The following RALY variants were observed in gnomAD, a reference collection of about 807,000 sequenced individuals.
RALY encodes RALY heterogeneous nuclear ribonucleoprotein.
A neutral mutation model predicts 30.7 loss-of-function variants in RALY; 15 were observed. That is an observed-to-expected ratio of 0.49 (90% confidence interval 0.33 to 0.75). RALY has a LOEUF of 0.75. Among genes scored for constraint, RALY ranks in the 30% least tolerant of loss-of-function variants. RALY has a pLI of 0.02. For synonymous variants in RALY, 177 were observed against 170.8 expected (o/e 1.04, Z -0.28); for missense variants, 339 against 414.3 (o/e 0.82, Z 1.58).
chr20:34,050,207 C>G (rs2033029672), intron 2 of RALY, among the ~76,000 whole-genome samples: 2 of 152,164 alleles, frequency 1.3e-5, no homozygotes, highest in Admixed American at 1.3e-4. Flanking sequence ...ATGTCAGAAC[C>G]AGGATTGAAT....
intron 1 of RALY, among the ~76,000 whole-genome samples, chr20:33,995,465 T>C (rs967462107): frequency 2.0e-5 from 3 of 152,194 alleles, no homozygotes; most frequent in Non-Finnish European, 2.9e-5. Context: ...ATTACTCCTA[T>C]TTTCAGATAA....
intron 2 of RALY, among the ~76,000 whole-genome samples, chr20:34,044,208 T>C (rs2032796661): frequency 3.3e-5 from 5 of 152,172 alleles, no homozygotes; most frequent in Admixed American, 3.3e-4. Context: ...GACATAATAT[T>C]GGAGGCTATT....
intron 1 of RALY, among the ~76,000 whole-genome samples, chr20:33,994,555 C>T (rs1049743268): frequency 6.6e-6 from 1 of 152,244 alleles, no homozygotes; most frequent in Non-Finnish European, 1.5e-5. Context: ...GCTTCCGGCT[C>T]TCCTAACCCG....
At chr20:34,021,162 A>G (rs2031804927) in intron 1 of RALY, among the ~76,000 whole-genome samples, 1 of 152,010 alleles carries the variant, frequency 6.6e-6, no homozygotes, top group African/African-American at 2.4e-5. Context: ...GGGTTTTGCC[A>G]TGTTGGCCAG....
intron 2 of RALY, among the ~76,000 whole-genome samples, chr20:34,063,249 G>A (rs1328406590): frequency 2.0e-5 from 3 of 152,202 alleles, no homozygotes; most frequent in African/African-American, 7.2e-5. Context: ...ATGATCACAT[G>A]TTTGGGCCTG....
chr20:34,082,357 T>A lies in RALY; in HGVS notation c.*2452T>A, dbSNP rs933832287. ...ATTTAGAGCTGAATGAACCTCACACTGAGGGCACAATAGCACTAGGCACTG... is the reference window on the plus strand; with the variant it reads ...ATTTAGAGCTGAATGAACCTCACACAGAGGGCACAATAGCACTAGGCACTG... On this transcript the variant is annotated 3_prime_UTR_variant, in exon 10 of 10. Transcript: ENST00000246194. 6.6e-6 allele frequency: 1 copy of A among 152,184 alleles called. No individual in the cohort carries two copies. The highest frequency in any genetic ancestry group is 1.5e-5 in the Non-Finnish European group (1 of 68,042). 9.4% of individuals were successfully genotyped at this position (152,184 alleles called of 1,614,324 possible).
chr20:34,053,383 ATTTTTTTTTTTTTTTT>A (rs60912814), intron 2 of RALY, among the ~76,000 whole-genome samples: 10 of 54,098 alleles, frequency 1.8e-4, no homozygotes, highest in African/African-American at 4.7e-4. Context: ...ATGTTCAATA[ATTTTTTTTTTTTTTTT>A]TTTTTTTTTT....
intron 2 of RALY, among the ~76,000 whole-genome samples, chr20:34,032,982 A>C (rs1038113416): frequency 6.6e-6 from 1 of 152,118 alleles, no homozygotes; most frequent in Admixed American, 6.5e-5. Flanking sequence ...AGACTGAAAG[A>C]TAGGAAGAAC....
At chr20:34,049,132 C>T (rs1221026703) in intron 2 of RALY, 1 of 153,634 alleles carries the variant, frequency 6.5e-6, no homozygotes, top group African/African-American at 2.4e-5. Flanking sequence ...TTCAGCTTTC[C>T]CTTCAGAGCC....
intron 8 of RALY, 64 bp from the exon 9 acceptor site, chr20:34,078,441 C>A: frequency 7.0e-7 from 1 of 1,430,244 alleles, no homozygotes; most frequent in Non-Finnish European, 9.3e-7. Context: ...GGACAAATGG[C>A]TCAGGGCAGG....
chr20:34,011,779 C>T (rs1379622536), intron 1 of RALY, among the ~76,000 whole-genome samples: 1 of 152,106 alleles, frequency 6.6e-6, no homozygotes, highest in Non-Finnish European at 1.5e-5. Flanking sequence ...AAGAAGCAGC[C>T]ATGGGGCCAG....
chr20:34,061,539 C>T (rs1219865959), intron 2 of RALY, among the ~76,000 whole-genome samples: 1 of 152,208 alleles, frequency 6.6e-6, no homozygotes, highest in Non-Finnish European at 1.5e-5. Flanking sequence ...ACTGGTTCTT[C>T]ACCACAAATA....
intron 2 of RALY, among the ~76,000 whole-genome samples, chr20:34,064,182 A>G (rs896376965): frequency 2.0e-5 from 3 of 152,140 alleles, no homozygotes; most frequent in Admixed American, 2.0e-4. Flanking sequence ...ATCGGGGATT[A>G]TAGGCATAAG....
At chr20:34,007,820 CAAAAA>C (rs10649045) in intron 1 of RALY, among the ~76,000 whole-genome samples, 9 of 101,608 alleles carry the variant, frequency 8.9e-5, no homozygotes, top group South Asian at 3.7e-4. Context: ...AACTCCGTCT[CAAAAA>C]AAAAAAAAAA....
intron 1 of RALY, among the ~76,000 whole-genome samples, chr20:34,008,918 G>A (rs1021373634): frequency 1.3e-5 from 2 of 152,064 alleles, no homozygotes; most frequent in African/African-American, 4.8e-5. Flanking sequence ...CTTGGCCTCC[G>A]AAAGTGTTGG....
chr20:34,066,545 T>C (rs957337662), intron 2 of RALY, among the ~76,000 whole-genome samples: 3 of 152,066 alleles, frequency 2.0e-5, no homozygotes, highest in Admixed American at 2.0e-4. Flanking sequence ...ACAAAGTAGC[T>C]CTCTGGGCCT....
chr20:34,041,153 T>C (rs141482034), intron 2 of RALY, among the ~76,000 whole-genome samples: 1 of 152,116 alleles, frequency 6.6e-6, no homozygotes, highest in Non-Finnish European at 1.5e-5. Flanking sequence ...TTTTCAAAGT[T>C]GAATAGAGAG....
At position 34,021,925 on chromosome 20, in the gene RALY, AT is replaced by A. The variant is rs1166384145; in HGVS notation, c.-92-9588del. 5.1e-3 allele frequency among the ~76,000 whole-genome samples: 765 copies of A among 149,748 alleles called. 9 individuals are homozygous for A. Among genetic ancestry groups the A allele is most frequent in the African/African-American group, 0.018 (718 of 40,806 alleles). On this transcript the variant is annotated intron_variant, in intron 1 of 9. Coordinates refer to ENST00000246194, the MANE Select transcript of RALY (RefSeq NM_016732.3). ...TAAGTTTTTTTATTATTAAAAAAAA[AT>A]TTTTTTTTAAATAGAGACGGGTCTT...
In RALY at chr20:34,078,527, C is replaced by A. The variant is rs780376838; in HGVS notation, c.899C>A (p.Ala300Glu). ...CAGGAACACAGCCAGGACACAGACG[C>A]GGATGATGGGGCCTTGCAGTAAGCA... ...EELEHSQDTD[A>E]DDGALQ The change falls in exon 9 of 10, where the codon GCG becomes GAG. Residue 300 changes from alanine to glutamate, a missense_variant. By Grantham distance (107) the Ala-to-Glu change is moderately radical (BLOSUM62 -1). Coordinates refer to ENST00000246194, the MANE Select transcript of RALY (RefSeq NM_016732.3). 6.3e-7 allele frequency: 1 copy of A among 1,589,306 alleles called. No individual in the cohort carries two copies. Among genetic ancestry groups the A allele is most frequent in the South Asian group, 1.1e-5 (1 of 87,228 alleles).
Sources: allele counts gnomAD v4.1 joint callset (sites outside exome capture counted in the v4.1 genomes callset), GRCh38; gene constraint gnomAD v4.1.1; transcripts MANE v1.5; gene names NCBI Gene and HGNC (gene_info 2026-07-23, HGNC 2026-07-21).